ROBO1: variants seen among roughly 807,000 people sequenced by gnomAD.
The protein encoded by ROBO1 is roundabout homolog 1.
In ROBO1, 149 loss-of-function variants were observed where a neutral mutation model predicts 195.9. That is an observed-to-expected ratio of 0.76 (90% confidence interval 0.67 to 0.87). The LOEUF (loss-of-function observed/expected upper bound fraction) is 0.87, where lower values mean the gene tolerates loss of function less well. Among genes scored for constraint, ROBO1 ranks in the 40% least tolerant of loss-of-function variants. ROBO1 has a pLI of 0.00. For missense variants in ROBO1, 1,933 were observed against 2,068.3 expected (o/e 0.93, Z 1.27); for synonymous variants, 816 against 733.2 (o/e 1.11, Z -1.82).
intron 2 of ROBO1, among the ~76,000 whole-genome samples, chr3:79,574,816 C>T (rs1214430044): frequency 6.6e-6 from 1 of 151,622 alleles, no homozygotes; most frequent in African/African-American, 2.4e-5. Context: ...TGCATTATGA[C>T]ATATCATGAT....
At chr3:78,900,640 C>T (rs1041951077) in intron 4 of ROBO1, among the ~76,000 whole-genome samples, 42 of 152,234 alleles carry the variant, frequency 2.8e-4, no homozygotes, top group African/African-American at 9.1e-4. Context: ...TGCCTACATA[C>T]TTGCTTAATG....
chr3:79,749,446 T>C (rs1704029180), intron 1 of ROBO1, among the ~76,000 whole-genome samples: 1 of 152,194 alleles, frequency 6.6e-6, no homozygotes, highest in Admixed American at 6.5e-5. Flanking sequence ...TTTGCATAAA[T>C]AATGAGGATC....
intron 2 of ROBO1, among the ~76,000 whole-genome samples, chr3:79,201,472 G>A (rs1484249515): frequency 1.3e-5 from 2 of 151,940 alleles, no homozygotes; most frequent in Non-Finnish European, 2.9e-5. Flanking sequence ...ATTCTATGGG[G>A]AAGGTAGTAT....
intron 2 of ROBO1, among the ~76,000 whole-genome samples, chr3:79,394,110 C>T (rs1240570895): frequency 6.6e-6 from 1 of 151,496 alleles, no homozygotes; most frequent in Admixed American, 6.6e-5. Context: ...AATAAGCCCC[C>T]TGCTTTGGTA....
chr3:79,335,881 A>G (rs773740071), intron 2 of ROBO1, among the ~76,000 whole-genome samples: 11 of 152,204 alleles, frequency 7.2e-5, no homozygotes, highest in Non-Finnish European at 1.6e-4. Flanking sequence ...AAATGCTGAT[A>G]GTGATATGGA....
intron 2 of ROBO1, among the ~76,000 whole-genome samples, chr3:79,444,956 GA>G (rs34212155): frequency 0.015 from 2,332 of 152,020 alleles, 22 homozygotes; most frequent in Non-Finnish European, 0.024. Flanking sequence ...CAATAAAAGT[GA>G]TGAGATTAAG....
chr3:79,568,623 T>G (rs1943170123), intron 2 of ROBO1, among the ~76,000 whole-genome samples: 1 of 151,910 alleles, frequency 6.6e-6, no homozygotes, highest in Non-Finnish European at 1.5e-5. Flanking sequence ...CTGTGCAAAA[T>G]TTGGTTTGTT....
intron 2 of ROBO1, among the ~76,000 whole-genome samples, chr3:79,217,342 G>A (rs952700520): frequency 6.6e-6 from 1 of 151,838 alleles, no homozygotes; most frequent in Non-Finnish European, 1.5e-5. Flanking sequence ...TTTCAGATAT[G>A]CCTTTATTGT....
At chr3:79,542,303 T>G (rs760530468) in intron 2 of ROBO1, among the ~76,000 whole-genome samples, 8 of 152,096 alleles carry the variant, frequency 5.3e-5, no homozygotes. Flanking sequence ...AAAGTACACA[T>G]GAACTTCAAG....
chr3:79,756,979 T>G (rs1164560450), intron 1 of ROBO1, among the ~76,000 whole-genome samples: 2 of 152,212 alleles, frequency 1.3e-5, no homozygotes, highest in Non-Finnish European at 2.9e-5. Flanking sequence ...GTAGTTGTAG[T>G]GTGTATCAGA....
chr3:79,685,429 C>T (rs1314290917), intron 1 of ROBO1, among the ~76,000 whole-genome samples: 3 of 152,074 alleles, frequency 2.0e-5, no homozygotes, highest in Non-Finnish European at 2.9e-5. Context: ...TCTGAAAAAC[C>T]CAGCTTTTGC....
intron 3 of ROBO1, among the ~76,000 whole-genome samples, chr3:79,117,366 T>C (rs1293948966): frequency 6.6e-6 from 1 of 150,896 alleles, no homozygotes; most frequent in African/African-American, 2.5e-5. Flanking sequence ...AGAGACTCCA[T>C]CTCAAAACAA....
intron 2 of ROBO1, among the ~76,000 whole-genome samples, chr3:79,355,372 C>G (rs901367213): frequency 6.6e-6 from 1 of 152,100 alleles, no homozygotes; most frequent in Non-Finnish European, 1.5e-5. Flanking sequence ...ATCAGGGTAA[C>G]TAACATCCCA....
intron 2 of ROBO1, among the ~76,000 whole-genome samples, chr3:79,327,375 A>C (rs1576980334): frequency 6.6e-6 from 1 of 152,226 alleles, no homozygotes; most frequent in Admixed American, 6.5e-5. Flanking sequence ...ATTTATTTCC[A>C]TTAAAAAAGA....
At chr3:79,059,715 CTT>C (rs1238684603) in intron 3 of ROBO1, among the ~76,000 whole-genome samples, 1 of 152,074 alleles carries the variant, frequency 6.6e-6, no homozygotes, top group Non-Finnish European at 1.5e-5. Context: ...AATCAATACT[CTT>C]ATAATTTCCT....
At chr3:78,817,498 C>T (rs1340093834) in intron 4 of ROBO1, among the ~76,000 whole-genome samples, 3 of 152,034 alleles carry the variant, frequency 2.0e-5, no homozygotes, top group Non-Finnish European at 4.4e-5. Flanking sequence ...CTCACAGTGT[C>T]TCTGAGGTAT....
At chr3:78,639,151 AT>A (rs1202655955) in intron 22 of ROBO1, among the ~76,000 whole-genome samples, 1 of 152,044 alleles carries the variant, frequency 6.6e-6, no homozygotes, top group Non-Finnish European at 1.5e-5. Context: ...TGTCAAAAAA[AT>A]AAAAAAAGTT....
At chr3:79,663,519 T>C (rs937875208) in intron 1 of ROBO1, among the ~76,000 whole-genome samples, 1 of 152,042 alleles carries the variant, frequency 6.6e-6, no homozygotes, top group African/African-American at 2.4e-5. Context: ...ACATGTTCAC[T>C]TACTATTTTC....
intron 8 of ROBO1, among the ~76,000 whole-genome samples, chr3:78,699,103 A>T (rs530492102): frequency 6.6e-6 from 1 of 152,246 alleles, no homozygotes; most frequent in South Asian, 2.1e-4. Context: ...CAAATTCCAT[A>T]GTGTTTATAC....
Sources: gnomAD v4.1 joint callset for allele counts (sites outside exome capture counted in the v4.1 genomes callset) on GRCh38, gnomAD v4.1.1 for gene constraint, MANE v1.5 for transcripts, NCBI Gene and HGNC (gene_info 2026-07-23, HGNC 2026-07-21) for gene names.